Variants in TMEM39B observed in about 807,000 individuals in gnomAD.
TMEM39B encodes transmembrane protein 39B.
Under a neutral mutation model 52.2 loss-of-function variants are expected in TMEM39B, and 23 were observed. That is an observed-to-expected ratio of 0.44 (90% confidence interval 0.32 to 0.62). TMEM39B has a LOEUF of 0.62. Ranked by LOEUF, TMEM39B falls within the 20% of genes least tolerant of loss-of-function variation. The pLI is 0.06. For synonymous variants in TMEM39B, 285 were observed against 264.0 expected, an observed-to-expected ratio of 1.08 and a Z score of -0.77; for missense variants, 547 against 642.0, an observed-to-expected ratio of 0.85 and a Z score of 1.60.
chr1:32,083,452 C>G (rs943733902), intron 5 of TMEM39B, among the ~76,000 whole-genome samples: 1 of 99,530 alleles, frequency 1.0e-5, no homozygotes, highest in Non-Finnish European at 1.8e-5. Flanking sequence ...GATGGAGATT[C>G]GCCGTTGTTG....
At chr1:32,076,623 T>C in intron 3 of TMEM39B, 140 bp from the exon 4 acceptor site, 1 of 862,686 alleles carries the variant, frequency 1.2e-6, no homozygotes, top group Non-Finnish European at 1.9e-6. Context: ...TTTCCTGGCC[T>C]GACTCAGCTG....
chr1:32,078,439 T>G lies in TMEM39B; in HGVS notation c.590+1121T>G, dbSNP rs532323109. 1.1e-4 allele frequency among the ~76,000 whole-genome samples: 16 copies of G among 152,068 alleles called. No homozygotes were observed. In the East Asian group the frequency reaches 3.1e-3, roughly 29 times the overall value. On this transcript the variant is annotated intron_variant, in intron 5 of 8. Coordinates refer to ENST00000336294, the MANE Select transcript of TMEM39B (RefSeq NM_018056.4). ...TCGAGGCTGCAGTGAGCCGAAATTG[T>G]GCCACTGTACTCTAGCTTAAGCAAC...
chr1:32,081,277 G>T (rs1166327928), intron 5 of TMEM39B, among the ~76,000 whole-genome samples: 1 of 151,716 alleles, frequency 6.6e-6, no homozygotes, highest in Non-Finnish European at 1.5e-5. Flanking sequence ...TCCAGCCTGA[G>T]TGACAAGACC....
chr1:32,084,355 C>T (rs1042176379), intron 5 of TMEM39B, among the ~76,000 whole-genome samples: 1 of 152,132 alleles, frequency 6.6e-6, no homozygotes, highest in Non-Finnish European at 1.5e-5. Context: ...CAGCTCTCAG[C>T]CTGGGACTTC....
At chr1:32,073,829 C>G in intron 1 of TMEM39B, 3 of 985,248 alleles carry the variant, frequency 3.0e-6, no homozygotes, top group Non-Finnish European at 3.6e-6. Flanking sequence ...GATGCTACGG[C>G]GTGGGGTGTA....
At chr1:32,079,335 C>G (rs1282962233) in intron 5 of TMEM39B, among the ~76,000 whole-genome samples, 3 of 151,954 alleles carry the variant, frequency 2.0e-5, no homozygotes, top group Admixed American at 6.6e-5. Context: ...CAGGCGCCTG[C>G]CACCACACCT....
At chr1:32,078,325 C>T (rs1454443512) in intron 5 of TMEM39B, among the ~76,000 whole-genome samples, 1 of 152,028 alleles carries the variant, frequency 6.6e-6, no homozygotes, top group South Asian at 2.1e-4. Flanking sequence ...CTACTAAAAA[C>T]ATAAAAAACT....
chr1:32,084,422 T>C (rs1191075193), intron 5 of TMEM39B, among the ~76,000 whole-genome samples: 1 of 152,146 alleles, frequency 6.6e-6, no homozygotes, highest in Non-Finnish European at 1.5e-5. Flanking sequence ...GTCTTCCTCT[T>C]TCTTGGTTTT....
At chr1:32,102,378 GA>G (rs1159792652) in intron 8 of TMEM39B, 52 bp from the exon 9 acceptor site, 11 of 1,578,726 alleles carry the variant, frequency 7.0e-6, no homozygotes, top group Non-Finnish European at 9.5e-6. Flanking sequence ...CCCCATCCAG[GA>G]GGAAGATTTC....
chr1:32,075,854 G>A (rs1381371532), intron 3 of TMEM39B, 32 bp downstream of exon 3: 2 of 1,366,802 alleles, frequency 1.5e-6, no homozygotes, highest in African/African-American at 1.4e-5. Flanking sequence ...GTGTGTGTGT[G>A]TGTGTGTGTG....
At chr1:32,075,249 C>G (rs1029700690) in intron 2 of TMEM39B, among the ~76,000 whole-genome samples, 172 bp downstream of exon 2, 2 of 152,144 alleles carry the variant, frequency 1.3e-5, no homozygotes, top group Non-Finnish European at 2.9e-5. Flanking sequence ...ATCACTTGGA[C>G]AGATGCAGTG....
At position 32,091,893 on chromosome 1, in the gene TMEM39B, T is replaced by C. The variant is rs962110119; in HGVS notation, c.809T>C (p.Leu270Pro). The C allele has an allele frequency of 6.2e-7, 1 of 1,614,202 alleles. No homozygotes were observed. The highest frequency in any genetic ancestry group is 8.5e-7 in the Non-Finnish European group (1 of 1,180,024). ...PTHACCLSPS[L>P]IRSEVEFLKM... ...CATGCCTGCTGCCTGTCACCCAGCC[T>C]CATCCGCAGTGAGGTGGAGTTCCTC... is the stretch of plus-strand genomic sequence containing the variant. Residue 270 changes from leucine to proline, a missense_variant, in exon 6 of 9, where the codon CTC becomes CCC. Coordinates refer to ENST00000336294, the MANE Select transcript of TMEM39B (RefSeq NM_018056.4).
chr1:32,096,587 A>T (rs1640817764), intron 7 of TMEM39B, among the ~76,000 whole-genome samples: 1 of 150,474 alleles, frequency 6.6e-6, no homozygotes, highest in Non-Finnish European at 1.5e-5. Context: ...GGGCCTCCCA[A>T]GTAGCTGGGA....
intron 5 of TMEM39B, 98 bp downstream of exon 5, chr1:32,077,416 C>G: frequency 7.0e-7 from 1 of 1,420,562 alleles, no homozygotes; most frequent in Non-Finnish European, 9.7e-7. Flanking sequence ...TCTGGAAGAT[C>G]GGAGGCAGGC....
chr1:32,093,573 G>A (rs112127318), intron 6 of TMEM39B, among the ~76,000 whole-genome samples: 72 of 148,936 alleles, frequency 4.8e-4, no homozygotes, highest in African/African-American at 1.6e-3. Context: ...CACCATGCCC[G>A]GCTAATTTTT....
chr1:32,082,087 A>G (rs1640121736), intron 5 of TMEM39B, among the ~76,000 whole-genome samples: 2 of 152,112 alleles, frequency 1.3e-5, no homozygotes, highest in African/African-American at 4.8e-5. Context: ...ATTTTCATCA[A>G]TAGTATAAGT....
intron 1 of TMEM39B, 54 bp from the exon 2 acceptor site, chr1:32,074,897 A>G: frequency 6.6e-7 from 1 of 1,513,598 alleles, no homozygotes. Context: ...CATTGCTGTT[A>G]TCCTTGATAT....
At chr1:32,097,648 TG>T (rs1346645184) in intron 7 of TMEM39B, among the ~76,000 whole-genome samples, 1 of 150,724 alleles carries the variant, frequency 6.6e-6, no homozygotes, top group Non-Finnish European at 1.5e-5. Context: ...TTCTTTTTTT[TG>T]TTTGTTTGTT....
At chr1:32,091,078 G>A (rs1391385881) in intron 5 of TMEM39B, among the ~76,000 whole-genome samples, 2 of 152,116 alleles carry the variant, frequency 1.3e-5, no homozygotes, top group African/African-American at 2.4e-5. Context: ...ATGAGCTACC[G>A]TGCTTGTCCT....
Sources: allele counts gnomAD v4.1 joint callset (sites outside exome capture counted in the v4.1 genomes callset), GRCh38; gene constraint gnomAD v4.1.1; transcripts MANE v1.5; gene names NCBI Gene and HGNC (gene_info 2026-07-23, HGNC 2026-07-21).